KIF1A: variants seen among roughly 807,000 people sequenced by gnomAD.
KIF1A encodes kinesin family member 1A.
Under a neutral mutation model 227.3 loss-of-function variants are expected in KIF1A, and 46 were observed. That is an observed-to-expected ratio of 0.20 (90% CI 0.16 to 0.26). KIF1A has a LOEUF of 0.26. Among genes scored for constraint, KIF1A ranks in the 10% least tolerant of loss-of-function variants. The pLI is 1.00. For missense variants in KIF1A, 1,683 were observed against 2,485.9 expected (o/e 0.68, Z 6.87); for synonymous variants, 1,022 against 1,012.8 (o/e 1.01, Z -0.17).
chr2:240,771,274 G>A, intron 14 of KIF1A, 170 bp from the exon 15 acceptor site: 1 of 799,268 alleles, frequency 1.3e-6, no homozygotes, highest in African/African-American at 1.7e-5. Flanking sequence ...CCCAGAGAAG[G>A]CAAGAAACAG....
chr2:240,814,641 A>C (rs2058186236), intron 1 of KIF1A, among the ~76,000 whole-genome samples: 1 of 152,192 alleles, frequency 6.6e-6, no homozygotes, highest in African/African-American at 2.4e-5. Flanking sequence ...CAAGAAAATA[A>C]AAAGGCTGGG....
At position 240,789,527 on chromosome 2, in the gene KIF1A, G is replaced by A. The variant is rs963185195; in HGVS notation, c.107-215C>T. 6.6e-6 allele frequency among the ~76,000 whole-genome samples: 1 copy of A among 152,124 alleles called. No homozygotes were observed. Among genetic ancestry groups the A allele is most frequent in the Non-Finnish European group, 1.5e-5 (1 of 68,006 alleles). On this transcript the variant is annotated intron_variant, in intron 2 of 48. Transcript: ENST00000498729. The surrounding 1 kb of genome is among the most constrained non-coding windows in gnomAD (Gnocchi z 4.8). ...ACGCTGCCACCCATGGATGTCCAAG[G>A]GTACCACCATACCAGCCTGCAAGGC...
Position 240,778,219 on chromosome 2 carries a change from C to T in KIF1A, c.883-2293G>A, listed in dbSNP as rs562062215. ...GGTCACACCATTCATCAAGTTTCCC[C>T]ACAAGTTCCACACGCAATTCTGTCA... On this transcript the variant is annotated intron_variant, in intron 10 of 48. Transcript: ENST00000498729. The surrounding 1 kb of genome is among the most constrained non-coding windows in gnomAD (Gnocchi z 7.2). Among the ~76,000 whole-genome samples the T allele has an allele frequency of 6.6e-6, 1 of 152,210 alleles. No homozygotes were observed. Among genetic ancestry groups the T allele is most frequent in the East Asian group, 1.9e-4 (1 of 5,178 alleles).
intron 46 of KIF1A, among the ~76,000 whole-genome samples, chr2:240,719,433 A>G (rs896889130): frequency 2.6e-5 from 4 of 152,198 alleles, no homozygotes; most frequent in Non-Finnish European, 2.9e-5. Flanking sequence ...AAAAACTTAA[A>G]GAAATAAGCT....
intron 17 of KIF1A, 74 bp downstream of exon 17, chr2:240,769,059 G>T: frequency 7.4e-7 from 1 of 1,348,572 alleles, no homozygotes; most frequent in Middle Eastern, 1.8e-4. Flanking sequence ...GCCCCCTCTG[G>T]CTCTACCTGA....
chr2:240,741,627 C>T (rs1207901717), intron 34 of KIF1A, among the ~76,000 whole-genome samples: 1 of 152,238 alleles, frequency 6.6e-6, no homozygotes, highest in Admixed American at 6.5e-5. Flanking sequence ...GGCACATGGC[C>T]ATGTACACTC....
chr2:240,805,369 C>G (rs2057332134), intron 1 of KIF1A, among the ~76,000 whole-genome samples: 1 of 152,114 alleles, frequency 6.6e-6, no homozygotes, highest in Non-Finnish European at 1.5e-5. Flanking sequence ...TTATTTAAAA[C>G]TGAAAACTTA....
At chr2:240,779,292 ATAGTT>A (rs1477155825) in intron 10 of KIF1A, among the ~76,000 whole-genome samples, 1 of 100,168 alleles carries the variant, frequency 1.0e-5, no homozygotes, top group Non-Finnish European at 2.0e-5. Flanking sequence ...TCAGTTCCTC[ATAGTT>A]CCACACTCAG....
chr2:240,728,948 T>C (rs1476380886), intron 38 of KIF1A, among the ~76,000 whole-genome samples: 5 of 152,188 alleles, frequency 3.3e-5, no homozygotes, highest in Non-Finnish European at 7.3e-5. Flanking sequence ...GAGCTAATAC[T>C]AGAGCACGAT....
intron 4 of KIF1A, 72 bp downstream of exon 4, chr2:240,787,979 C>A: frequency 7.0e-7 from 1 of 1,427,990 alleles, no homozygotes; most frequent in Admixed American, 2.0e-5. Context: ...GGGTGCCTGG[C>A]CCGGAGCTCT....
intron 38 of KIF1A, among the ~76,000 whole-genome samples, chr2:240,732,601 T>TGGATGAGG (rs2046841361): frequency 2.7e-5 from 1 of 37,142 alleles, no homozygotes; most frequent in Non-Finnish European, 5.1e-5. Flanking sequence ...GGATCAGGGA[T>TGGATGAGG]GGATGAGGGA....
intron 29 of KIF1A, 29 bp from the exon 30 acceptor site, chr2:240,746,206 G>T: frequency 6.5e-7 from 1 of 1,548,648 alleles, no homozygotes; most frequent in Non-Finnish European, 8.7e-7. Context: ...GAGTCAGAGA[G>T]AGCCAGGAGC....
rs2056719405 is a variant in KIF1A at position 240,799,126 on chromosome 2, C to T, written c.-60-1314G>A. Among the ~76,000 whole-genome samples the T allele has an allele frequency of 2.0e-5, 3 of 152,188 alleles. No homozygotes were observed. In the South Asian group the frequency reaches 6.2e-4, roughly 32 times the overall value. On this transcript the variant is annotated intron_variant, in intron 1 of 48. Transcript: ENST00000498729. ...CCCCTCTGGGCTGCCCCTGGAAGCTCCAGGATCAAGAGCAGGAAGGGTCTG... is the reference window on the plus strand; with the variant it reads ...CCCCTCTGGGCTGCCCCTGGAAGCTTCAGGATCAAGAGCAGGAAGGGTCTG...
chr2:240,815,000 C>T lies in KIF1A; in HGVS notation c.-61+5122G>A, dbSNP rs549730109. On this transcript the variant is annotated intron_variant, in intron 1 of 48. Transcript: ENST00000498729. Reference sequence around the variant, plus strand: ...ACATCTTGCCTAAGTACAGAGCTGACGCAAAGGGTGTGGGGCCGTAAGCGT... The same window carrying T: ...ACATCTTGCCTAAGTACAGAGCTGATGCAAAGGGTGTGGGGCCGTAAGCGT... Among the ~76,000 whole-genome samples the T allele has an allele frequency of 8.5e-5, 13 of 152,324 alleles. No homozygotes were observed. In the South Asian group the frequency reaches 1.2e-3, roughly 15 times the overall value.
intron 1 of KIF1A, among the ~76,000 whole-genome samples, chr2:240,798,553 G>T (rs34491229): frequency 0.33 from 50,489 of 152,052 alleles, 8,506 homozygotes; most frequent in East Asian, 0.41. Flanking sequence ...CAGCTTCCTG[G>T]GCCCCAGTTT....
intron 38 of KIF1A, among the ~76,000 whole-genome samples, chr2:240,733,074 C>T (rs2046939769): frequency 1.3e-5 from 2 of 151,472 alleles, no homozygotes; most frequent in South Asian, 4.2e-4. Context: ...GCTTCCTGGC[C>T]AGGCTCTGAC....
intron 37 of KIF1A, 56 bp from the exon 38 acceptor site, chr2:240,737,224 G>A (rs908048569): frequency 8.4e-6 from 12 of 1,421,278 alleles, no homozygotes; most frequent in Admixed American, 5.0e-5. Flanking sequence ...TGGGACCCTG[G>A]GGGGCTGCCT....
chr2:240,815,965 G>A (rs1442129782), intron 1 of KIF1A, among the ~76,000 whole-genome samples: 2 of 152,124 alleles, frequency 1.3e-5, no homozygotes, highest in African/African-American at 4.8e-5. Flanking sequence ...AGTGTTCTCT[G>A]TCTTCTTCCC....
At chr2:240,721,654 A>G (rs2045400065) in intron 44 of KIF1A, among the ~76,000 whole-genome samples, 153 bp downstream of exon 44, 1 of 152,272 alleles carries the variant, frequency 6.6e-6, no homozygotes, top group South Asian at 2.1e-4. Flanking sequence ...GAAACCAGCC[A>G]CTTAGGTATG....
Sources: gnomAD v4.1 joint callset for allele counts (sites outside exome capture counted in the v4.1 genomes callset) on GRCh38, gnomAD v4.1.1 for gene constraint, Gnocchi (gnomAD v3.1) non-coding constraint, MANE v1.5 for transcripts, NCBI Gene and HGNC (gene_info 2026-07-23, HGNC 2026-07-21) for gene names.